The following KIFAP3 variants were observed in gnomAD, a reference collection of about 807,000 sequenced individuals.
KIFAP3 encodes the protein kinesin-associated protein 3.
A neutral mutation model predicts 106.5 loss-of-function variants in KIFAP3; 68 were observed. That is an observed-to-expected ratio of 0.64 (90% CI 0.53 to 0.78). The LOEUF (loss-of-function observed/expected upper bound fraction) is 0.78. Ranked by LOEUF, KIFAP3 falls within the 30% of genes least tolerant of loss-of-function variation. The probability of loss-of-function intolerance (pLI) is 0.00; values close to 1 mark genes in which losing one functional copy is unlikely to be tolerated. For missense variants in KIFAP3, 780 were observed against 941.8 expected (o/e 0.83, Z 2.25); for synonymous variants, 320 against 311.5 (o/e 1.03, Z -0.29).
chr1:170,038,246 A>C, intron 5 of KIFAP3, 44 bp downstream of exon 5: 1 of 1,409,002 alleles, frequency 7.1e-7, no homozygotes, highest in African/African-American at 1.5e-5. Flanking sequence ...AAATAACTGT[A>C]ACTTATTCCT....
intron 10 of KIFAP3, among the ~76,000 whole-genome samples, chr1:170,014,028 G>A (rs1003319915): frequency 1.3e-5 from 2 of 151,932 alleles, no homozygotes; most frequent in Non-Finnish European, 2.9e-5. Flanking sequence ...TTTCACCTAC[G>A]ATATATCCCT....
At chr1:169,968,165 G>A (rs1161496147) in intron 17 of KIFAP3, among the ~76,000 whole-genome samples, 2 of 151,790 alleles carry the variant, frequency 1.3e-5, no homozygotes, top group Non-Finnish European at 2.9e-5. Flanking sequence ...ATGATTTTAA[G>A]CACTCAGTAT....
chr1:170,046,699 T>C lies in KIFAP3; in HGVS notation c.319+13A>G, dbSNP rs1368968735. ...TGGATTTGCATTAGGAAGCCAGGAA[T>C]TCTACTACTTACCTTTTCCTGACAA... On this transcript the variant is annotated intron_variant, in intron 3 of 19. Transcript: ENST00000361580. 1 of 1,487,512 alleles carries C rather than the reference T, an allele frequency of 6.7e-7. No homozygotes were observed. Among genetic ancestry groups the C allele is most frequent in the South Asian group, 1.4e-5 (1 of 69,670 alleles). 92.1% of individuals were successfully genotyped at this position (1,487,512 alleles called of 1,614,324 possible). A position where few individuals can be genotyped will look rare whatever the true frequency, so the allele number is the denominator to read the frequency against.
chr1:169,942,537 T>G (rs1664182579), intron 19 of KIFAP3, among the ~76,000 whole-genome samples: 1 of 152,270 alleles, frequency 6.6e-6, no homozygotes, highest in Non-Finnish European at 1.5e-5. Context: ...CTGATTGTGC[T>G]GTTTTCATAC....
chr1:170,000,420 A>AT (rs1297696480), intron 10 of KIFAP3, among the ~76,000 whole-genome samples: 1 of 152,136 alleles, frequency 6.6e-6, no homozygotes, highest in Non-Finnish European at 1.5e-5. Context: ...TGGAAAGTCT[A>AT]TATGAATACA....
In KIFAP3 at chr1:170,006,864, T is replaced by C. The variant is rs114600184; in HGVS notation, c.1183+9598A>G. The stretch of plus-strand genomic sequence containing the variant: ...TATTGCTATTTAGAAGACATCCGTA[T>C]AGGCAGAGTATTTAAATGGAATGAA... On this transcript the variant is annotated intron_variant, in intron 10 of 19. Transcript: ENST00000361580. Among the ~76,000 whole-genome samples, 1,088 of 152,230 alleles carry C rather than the reference T, an allele frequency of 7.1e-3. 18 individuals are homozygous for C. Among genetic ancestry groups the C allele is most frequent in the African/African-American group, 0.024 (996 of 41,534 alleles).
chr1:170,050,937 TG>T (rs1670545178), intron 2 of KIFAP3, among the ~76,000 whole-genome samples: 1 of 152,058 alleles, frequency 6.6e-6, no homozygotes, highest in Non-Finnish European at 1.5e-5. Flanking sequence ...CATCAACTAA[TG>T]TGCAAAATAA....
intron 1 of KIFAP3, among the ~76,000 whole-genome samples, chr1:170,063,399 TC>T (rs1408673959): frequency 2.0e-5 from 3 of 152,170 alleles, no homozygotes; most frequent in Non-Finnish European, 2.9e-5. Context: ...AGGAACTGAC[TC>T]AGCACAAGAA....
At chr1:170,044,193 T>A (rs989760248) in intron 3 of KIFAP3, among the ~76,000 whole-genome samples, 1 of 152,218 alleles carries the variant, frequency 6.6e-6, no homozygotes, top group Non-Finnish European at 1.5e-5. Context: ...AGTAATTGTG[T>A]ATTCTTTACC....
chr1:170,072,314 A>T, intron 1 of KIFAP3, among the ~76,000 whole-genome samples: 1 of 152,258 alleles, frequency 6.6e-6, no homozygotes, highest in East Asian at 1.9e-4. Flanking sequence ...TAAGATAGAC[A>T]CATAGCACCT....
intron 17 of KIFAP3, among the ~76,000 whole-genome samples, chr1:169,965,007 C>A (rs562837): frequency 0.93 from 141,305 of 152,156 alleles, 65,656 homozygotes; most frequent in East Asian, 1. Flanking sequence ...TTATTATATC[C>A]ATTAGGGTAA....
At chr1:170,050,486 C>T (rs746641278) in intron 2 of KIFAP3, among the ~76,000 whole-genome samples, 2 of 152,110 alleles carry the variant, frequency 1.3e-5, no homozygotes, top group Non-Finnish European at 2.9e-5. Context: ...TCAGGAAATA[C>T]AGAGAACACC....
intron 2 of KIFAP3, among the ~76,000 whole-genome samples, chr1:170,054,883 G>T (rs1670765311): frequency 6.6e-6 from 1 of 152,022 alleles, no homozygotes; most frequent in Non-Finnish European, 1.5e-5. Context: ...CCTAAATGAG[G>T]GGTTGATAGG....
At chr1:169,929,357 A>G (rs1461994679) in intron 19 of KIFAP3, among the ~76,000 whole-genome samples, 1 of 152,190 alleles carries the variant, frequency 6.6e-6, no homozygotes, top group Non-Finnish European at 1.5e-5. Context: ...GGTTATAAGA[A>G]AAGATGCTAA....
intron 17 of KIFAP3, among the ~76,000 whole-genome samples, chr1:169,971,374 C>T (rs1402527312): frequency 6.6e-6 from 1 of 152,130 alleles, no homozygotes; most frequent in African/African-American, 2.4e-5. Context: ...TCTCTAGGCA[C>T]ATTAAATATT....
At chr1:169,928,470 G>A (rs1289147918) in intron 19 of KIFAP3, among the ~76,000 whole-genome samples, 1 of 151,934 alleles carries the variant, frequency 6.6e-6, no homozygotes, top group East Asian at 1.9e-4. Flanking sequence ...AGCACTTTGG[G>A]AGGCTGAGGT....
chr1:170,030,990 C>T lies in KIFAP3; in HGVS notation c.841+896G>A, dbSNP rs550796108. ...TCAATAAAGCTGTTAAGAGAGTATA[C>T]AATATTTGCATAAATATTTGGTTAG... On this transcript the variant is annotated intron_variant, in intron 8 of 19. Transcript: ENST00000361580. 5.3e-5 allele frequency among the ~76,000 whole-genome samples: 8 copies of T among 151,802 alleles called. No individual in the cohort carries two copies. The South Asian group carries it at 1.4e-3, about 28-fold the overall frequency.
At chr1:169,936,960 A>ATT (rs921336780) in intron 19 of KIFAP3, among the ~76,000 whole-genome samples, 48 of 33,544 alleles carry the variant, frequency 1.4e-3, no homozygotes, top group Admixed American at 4.7e-3. Flanking sequence ...AGGAATATAT[A>ATT]TTATATATAT....
intron 5 of KIFAP3, among the ~76,000 whole-genome samples, 177 bp from the exon 6 acceptor site, chr1:170,035,730 T>C (rs1199371982): frequency 6.6e-6 from 1 of 152,102 alleles, no homozygotes; most frequent in East Asian, 1.9e-4. Flanking sequence ...GTAATTTTAC[T>C]TAAAGATACG....
Sources: gnomAD v4.1 joint callset for allele counts (sites outside exome capture counted in the v4.1 genomes callset) on GRCh38, gnomAD v4.1.1 for gene constraint, MANE v1.5 for transcripts, NCBI Gene and HGNC (gene_info 2026-07-23, HGNC 2026-07-21) for gene names.